UNC5D: variants seen among roughly 807,000 people sequenced by gnomAD.
UNC5D encodes netrin receptor UNC5D.
Under a neutral mutation model 105.4 loss-of-function variants are expected in UNC5D, and 39 were observed. That is an observed-to-expected ratio of 0.37 (90% CI 0.29 to 0.48). UNC5D has a LOEUF of 0.48. Among genes scored for constraint, UNC5D ranks in the 20% least tolerant of loss-of-function variants. The pLI is 0.98. For synonymous variants in UNC5D, 452 were observed against 450.4 expected, an observed-to-expected ratio of 1.00 and a Z score of -0.04; for missense variants, 991 against 1,202.4, an observed-to-expected ratio of 0.82 and a Z score of 2.60.
intron 1 of UNC5D, among the ~76,000 whole-genome samples, chr8:35,410,241 T>C (rs1056907767): frequency 2.0e-5 from 3 of 152,066 alleles, no homozygotes; most frequent in African/African-American, 7.2e-5. Context: ...CTACTAATTT[T>C]GCTTTTTCTC....
intron 1 of UNC5D, among the ~76,000 whole-genome samples, chr8:35,299,605 G>T (rs574063262): frequency 6.6e-6 from 1 of 152,244 alleles, no homozygotes; most frequent in South Asian, 2.1e-4. Context: ...TCTTCTGGAG[G>T]AAAAATAGGT....
At chr8:35,338,716 A>C (rs1038783768) in intron 1 of UNC5D, among the ~76,000 whole-genome samples, 5 of 152,110 alleles carry the variant, frequency 3.3e-5, no homozygotes, top group African/African-American at 1.2e-4. Flanking sequence ...CAGTTTGCTC[A>C]CAGCTTTCAC....
intron 1 of UNC5D, among the ~76,000 whole-genome samples, chr8:35,511,244 G>T (rs563823661): frequency 6.6e-6 from 1 of 152,256 alleles, no homozygotes; most frequent in Non-Finnish European, 1.5e-5. Context: ...CAATGAACAT[G>T]ATTTCTGGCT....
intron 1 of UNC5D, chr8:35,255,009 C>T (rs1803973710): frequency 6.6e-6 from 1 of 152,162 alleles, no homozygotes; most frequent in Non-Finnish European, 1.5e-5. Context: ...TTAAAGAGAA[C>T]AGAAATCTCT....
chr8:35,512,188 AG>A, intron 1 of UNC5D, among the ~76,000 whole-genome samples: 1 of 151,920 alleles, frequency 6.6e-6, no homozygotes, highest in East Asian at 1.9e-4. Flanking sequence ...TAAGTTCAAA[AG>A]TTTACTTTTC....
chr8:35,388,603 A>G (rs1803583261), intron 1 of UNC5D, among the ~76,000 whole-genome samples: 2 of 152,216 alleles, frequency 1.3e-5, no homozygotes, highest in Admixed American at 1.3e-4. Flanking sequence ...GCAAGTACAT[A>G]GTATGGTTGT....
chr8:35,336,801 T>TC (rs1339854267), intron 1 of UNC5D, among the ~76,000 whole-genome samples: 1 of 151,750 alleles, frequency 6.6e-6, no homozygotes, highest in Non-Finnish European at 1.5e-5. Flanking sequence ...GTTTTTTTTT[T>TC]TTCTTTATTT....
intron 1 of UNC5D, among the ~76,000 whole-genome samples, chr8:35,503,663 T>C (rs1390425468): frequency 6.6e-6 from 1 of 152,184 alleles, no homozygotes; most frequent in African/African-American, 2.4e-5. Context: ...TAATTAGTAG[T>C]GTAAGTTTTT....
chr8:35,305,577 TTTTCTTTC>T (rs1179890296), intron 1 of UNC5D, among the ~76,000 whole-genome samples: 18 of 53,998 alleles, frequency 3.3e-4, no homozygotes, highest in Non-Finnish European at 5.4e-4. Flanking sequence ...CTTTCTTTCT[TTTTCTTTC>T]TTTCTTTCTT....
chr8:35,244,849 AC>A (rs1032505500), intron 1 of UNC5D, among the ~76,000 whole-genome samples: 2 of 150,876 alleles, frequency 1.3e-5, no homozygotes, highest in African/African-American at 4.9e-5. Context: ...TCTTCTCTGC[AC>A]ATTTTTTTTT....
intron 1 of UNC5D, among the ~76,000 whole-genome samples, chr8:35,470,109 C>A (rs1394093467): frequency 1.3e-5 from 2 of 152,062 alleles, no homozygotes; most frequent in African/African-American, 4.8e-5. Flanking sequence ...AAACATTCAG[C>A]CAGGAGCTAA....
chr8:35,786,738 A>C (rs916433517), intron 16 of UNC5D, among the ~76,000 whole-genome samples: 2 of 152,088 alleles, frequency 1.3e-5, no homozygotes, highest in Non-Finnish European at 2.9e-5. Flanking sequence ...GCTTATTTCA[A>C]ATGCAGGAAG....
At chr8:35,765,845 A>G (rs989869928) in intron 14 of UNC5D, among the ~76,000 whole-genome samples, 2 of 152,168 alleles carry the variant, frequency 1.3e-5, no homozygotes, top group Non-Finnish European at 2.9e-5. Context: ...AGTATTGCAG[A>G]AAATTTTATT....
chr8:35,499,405 A>T (rs749009402), intron 1 of UNC5D, among the ~76,000 whole-genome samples: 1 of 152,208 alleles, frequency 6.6e-6, no homozygotes, highest in Non-Finnish European at 1.5e-5. Flanking sequence ...TTGATTCATC[A>T]TAACTTAACT....
chr8:35,486,592 C>G (rs559830378), intron 1 of UNC5D, among the ~76,000 whole-genome samples: 1 of 152,140 alleles, frequency 6.6e-6, no homozygotes, highest in East Asian at 1.9e-4. Context: ...CTGGTTTGGT[C>G]CATGAGATCA....
At position 35,790,757 on chromosome 8, in the gene UNC5D, A is replaced by G. The variant is rs879756086; in HGVS notation, c.*194A>G. ...TAGGGAAGAGTACAAGCTCTCTTAC[A>G]TATAAGAGGGCTCTACTATCTCCTT... On this transcript the variant is annotated 3_prime_UTR_variant, in exon 17 of 17. Transcript: ENST00000404895. 3.2e-6 allele frequency: 2 copies of G among 616,484 alleles called. No individual in the cohort carries two copies. Among genetic ancestry groups the G allele is most frequent in the Non-Finnish European group, 5.6e-6 (2 of 354,472 alleles). The allele number at this position is 616,484 out of a possible 1,614,324, so 38.2% of individuals were successfully genotyped here.
chr8:35,296,266 A>C (rs1198226704), intron 1 of UNC5D, among the ~76,000 whole-genome samples: 1 of 152,178 alleles, frequency 6.6e-6, no homozygotes, highest in Non-Finnish European at 1.5e-5. Context: ...ACCAATTCAC[A>C]TTCCCACCAA....
chr8:35,777,028 G>A (rs1367141497), intron 16 of UNC5D, among the ~76,000 whole-genome samples: 3 of 152,158 alleles, frequency 2.0e-5, no homozygotes, highest in African/African-American at 7.2e-5. Context: ...GGCCAAGGTG[G>A]GCGGATCACG....
intron 1 of UNC5D, among the ~76,000 whole-genome samples, chr8:35,500,403 T>C (rs371614559): frequency 1.3e-5 from 2 of 152,176 alleles, no homozygotes; most frequent in African/African-American, 4.8e-5. Flanking sequence ...GAGATGTTTT[T>C]AACCCATTAA....
Sources: allele counts gnomAD v4.1 joint callset (sites outside exome capture counted in the v4.1 genomes callset), GRCh38; gene constraint gnomAD v4.1.1; transcripts MANE v1.5; gene names NCBI Gene and HGNC (gene_info 2026-07-23, HGNC 2026-07-21).